Variants in TENM3 observed in about 807,000 individuals in gnomAD.
The protein encoded by TENM3 is teneurin transmembrane protein 3, also known as teneurin-3.
TENM3 carries 63 observed loss-of-function variants against 255.1 expected under a neutral mutation model. The ratio of observed to expected loss-of-function variants is 0.25; its 90% confidence interval spans 0.20 to 0.30. The LOEUF (loss-of-function observed/expected upper bound fraction) is 0.30, where lower values mean the gene tolerates loss of function less well. TENM3 is among the 10% of genes least tolerant of loss of function. TENM3 has a pLI of 1.00. For synonymous variants in TENM3, 1,306 were observed against 1,322.3 expected, an observed-to-expected ratio of 0.99 and a Z score of 0.27; for missense variants, 2,929 against 3,461.1, an observed-to-expected ratio of 0.85 and a Z score of 3.86.
the TENM3 span, among the ~76,000 whole-genome samples, chr4:181,726,252 G>A: frequency 6.6e-6 from 1 of 152,032 alleles, no homozygotes; most frequent in Non-Finnish European, 1.5e-5. Flanking sequence ...TGCTAAATGA[G>A]GTCCCTGGGG....
intron 7 of TENM3, among the ~76,000 whole-genome samples, chr4:182,677,816 C>T (rs7684402): frequency 0.71 from 108,521 of 151,998 alleles, 38,980 homozygotes; most frequent in East Asian, 0.84. Context: ...GAATTAGATA[C>T]TCTAAGTTCT....
chr4:182,286,928 C>T (rs1166479866), intron 1 of TENM3, among the ~76,000 whole-genome samples: 1 of 152,140 alleles, frequency 6.6e-6, no homozygotes, highest in Non-Finnish European at 1.5e-5. Context: ...CTGCCCACTG[C>T]TGTTAAAATA....
the TENM3 span, among the ~76,000 whole-genome samples, chr4:182,061,055 G>A: frequency 1.3e-5 from 2 of 152,150 alleles, no homozygotes; most frequent in Non-Finnish European, 2.9e-5. Flanking sequence ...TTGCACATAC[G>A]TGATTCAGTT....
intron 1 of TENM3, among the ~76,000 whole-genome samples, chr4:182,160,084 G>C (rs1421479654): frequency 1.3e-5 from 2 of 149,860 alleles, no homozygotes; most frequent in African/African-American, 2.4e-5. Flanking sequence ...CTCACTGCAA[G>C]CTCCGCTTCC....
intron 1 of TENM3, among the ~76,000 whole-genome samples, chr4:182,261,828 T>C (rs1284475412): frequency 1.3e-5 from 2 of 152,216 alleles, no homozygotes; most frequent in Non-Finnish European, 2.9e-5. Flanking sequence ...TCAAATCATG[T>C]GGTATAACTT....
At chr4:181,947,595 G>C in the TENM3 span, among the ~76,000 whole-genome samples, 1 of 151,938 alleles carries the variant, frequency 6.6e-6, no homozygotes, top group Admixed American at 6.6e-5. Flanking sequence ...TTGTATATTT[G>C]AAAAATGTTA....
the TENM3 span, among the ~76,000 whole-genome samples, chr4:182,031,790 A>T: frequency 6.6e-6 from 1 of 152,014 alleles, no homozygotes; most frequent in Non-Finnish European, 1.5e-5. Flanking sequence ...CTGTATTCCT[A>T]GGTATTTTAT....
At chr4:182,414,133 A>G (rs1331694278) in intron 3 of TENM3, among the ~76,000 whole-genome samples, 4 of 152,238 alleles carry the variant, frequency 2.6e-5, no homozygotes, top group African/African-American at 9.6e-5. Context: ...ATTCTTGCAA[A>G]TAAATTAATT....
chr4:182,123,657 A>G, the TENM3 span, among the ~76,000 whole-genome samples: 1 of 152,200 alleles, frequency 6.6e-6, no homozygotes, highest in Non-Finnish European at 1.5e-5. Flanking sequence ...AACATCAAAG[A>G]TCACAGGTCA....
At chr4:182,233,936 G>A (rs1756732967) in intron 1 of TENM3, among the ~76,000 whole-genome samples, 3 of 152,152 alleles carry the variant, frequency 2.0e-5, no homozygotes, top group South Asian at 4.1e-4. Context: ...CACTCTTTAC[G>A]CCTTTCGGCT....
At chr4:182,525,531 A>C (rs1739068814) in intron 3 of TENM3, among the ~76,000 whole-genome samples, 1 of 152,254 alleles carries the variant, frequency 6.6e-6, no homozygotes, top group Non-Finnish European at 1.5e-5. Flanking sequence ...TACTTTTCAA[A>C]AAATCCATTT....
the TENM3 span, among the ~76,000 whole-genome samples, chr4:181,875,502 G>A: frequency 1.3e-5 from 2 of 150,538 alleles, no homozygotes; most frequent in Admixed American, 1.3e-4. Context: ...TTTTAAATGT[G>A]GTCAAAATGT....
At chr4:181,609,329 T>C in the TENM3 span, among the ~76,000 whole-genome samples, 1 of 152,260 alleles carries the variant, frequency 6.6e-6, no homozygotes, top group South Asian at 2.1e-4. Context: ...AGATGCTTTT[T>C]TCATAATAGC....
chr4:181,751,709 G>T, the TENM3 span, among the ~76,000 whole-genome samples: 1 of 152,114 alleles, frequency 6.6e-6, no homozygotes, highest in Non-Finnish European at 1.5e-5. Context: ...AAAATCCTAC[G>T]GTTGTAGCCA....
chr4:182,760,241 A>T (rs1763069655), intron 22 of TENM3, among the ~76,000 whole-genome samples: 1 of 152,210 alleles, frequency 6.6e-6, no homozygotes, highest in Admixed American at 6.5e-5. Flanking sequence ...CCTTAGCCAG[A>T]GTAATTCCAA....
At chr4:182,144,722 G>C (rs1418664982) in exon 1 of TENM3, 1 of 146,022 alleles carries the variant, frequency 6.8e-6, no homozygotes, top group Non-Finnish European at 1.5e-5. Flanking sequence ...TGCTGCCGGG[G>C]AGCGAGCCGG....
chr4:182,404,482 A>G (rs1293894138), intron 3 of TENM3, among the ~76,000 whole-genome samples: 3 of 152,232 alleles, frequency 2.0e-5, no homozygotes, highest in Non-Finnish European at 4.4e-5. Flanking sequence ...ATCACGATGT[A>G]ACTCTTTTTA....
the TENM3 span, among the ~76,000 whole-genome samples, chr4:181,679,633 A>T: frequency 6.6e-6 from 1 of 152,134 alleles, no homozygotes; most frequent in African/African-American, 2.4e-5. Flanking sequence ...ATTCTGAAAC[A>T]ACTCACCTTC....
At chr4:181,796,393 G>C in the TENM3 span, among the ~76,000 whole-genome samples, 1 of 152,318 alleles carries the variant, frequency 6.6e-6, no homozygotes, top group East Asian at 1.9e-4. Flanking sequence ...TTCAGTGGGG[G>C]AATGGTTACT....
Sources: allele counts gnomAD v4.1 joint callset (sites outside exome capture counted in the v4.1 genomes callset), GRCh38; gene constraint gnomAD v4.1.1; transcripts MANE v1.5; gene names NCBI Gene and HGNC (gene_info 2026-07-23, HGNC 2026-07-21).